The following RAPGEF4 variants were observed in gnomAD, a reference collection of about 807,000 sequenced individuals.
RAPGEF4 encodes the protein Rap guanine nucleotide exchange factor 4.
A neutral mutation model predicts 147.9 loss-of-function variants in RAPGEF4; 66 were observed. The observed-to-expected ratio is 0.45, with a 90% confidence interval of 0.37 to 0.55. The LOEUF (loss-of-function observed/expected upper bound fraction) is 0.55, where lower values mean the gene tolerates loss of function less well. Ranked by LOEUF, RAPGEF4 falls within the 20% of genes least tolerant of loss-of-function variation. The probability of loss-of-function intolerance (pLI) is 0.00; values close to 1 mark genes in which losing one functional copy is unlikely to be tolerated. For synonymous variants in RAPGEF4, 419 were observed against 442.7 expected (o/e 0.95, Z 0.67); for missense variants, 1,071 against 1,257.3 (o/e 0.85, Z 2.24).
intron 10 of RAPGEF4, among the ~76,000 whole-genome samples, chr2:172,974,757 C>T (rs1360688492): frequency 6.6e-6 from 1 of 152,146 alleles, no homozygotes; most frequent in African/African-American, 2.4e-5. Flanking sequence ...ATGGAGTTCA[C>T]CATCTACTGT....
intron 29 of RAPGEF4, among the ~76,000 whole-genome samples, chr2:173,041,953 C>T (rs1423718329): frequency 6.6e-6 from 1 of 152,176 alleles, no homozygotes; most frequent in Non-Finnish European, 1.5e-5. Flanking sequence ...ACACATCTTC[C>T]CTGATCTCCC....
chr2:172,899,161 C>T (rs937478371), intron 4 of RAPGEF4, among the ~76,000 whole-genome samples: 27 of 152,198 alleles, frequency 1.8e-4, no homozygotes, highest in African/African-American at 6.5e-4. Flanking sequence ...AAGCATGGCA[C>T]ACCTGTATCA....
intron 4 of RAPGEF4, among the ~76,000 whole-genome samples, chr2:172,850,762 C>G (rs1333619727): frequency 6.6e-6 from 1 of 152,176 alleles, no homozygotes; most frequent in Non-Finnish European, 1.5e-5. Context: ...TCTATGGACA[C>G]ATCAATGTAA....
At chr2:172,878,754 A>G (rs573370175) in intron 4 of RAPGEF4, among the ~76,000 whole-genome samples, 41 of 152,328 alleles carry the variant, frequency 2.7e-4, no homozygotes, top group African/African-American at 9.9e-4. Context: ...ATGGGCAACA[A>G]TGTGTATAGG....
intron 17 of RAPGEF4, among the ~76,000 whole-genome samples, chr2:173,003,192 C>A (rs1408004074): frequency 6.6e-6 from 1 of 151,956 alleles, no homozygotes; most frequent in East Asian, 1.9e-4. Context: ...CAAGGGTTGA[C>A]TGAGAACATT....
chr2:172,803,811 CT>C, intron 3 of RAPGEF4, among the ~76,000 whole-genome samples: 1 of 152,326 alleles, frequency 6.6e-6, no homozygotes, highest in South Asian at 2.1e-4. Context: ...GAAATTTCTT[CT>C]GCCAGAAACC....
chr2:172,928,718 T>C (rs1429037459), intron 6 of RAPGEF4, among the ~76,000 whole-genome samples: 2 of 152,230 alleles, frequency 1.3e-5, no homozygotes, highest in Non-Finnish European at 2.9e-5. Context: ...AGCTGAGATA[T>C]ACTGCACGGC....
chr2:172,766,688 T>C (rs1353316410), intron 1 of RAPGEF4, among the ~76,000 whole-genome samples: 1 of 152,210 alleles, frequency 6.6e-6, no homozygotes. Flanking sequence ...TCCCGTCGCC[T>C]TTCTTCATCA....
chr2:172,852,669 A>G (rs1692986714), intron 4 of RAPGEF4, among the ~76,000 whole-genome samples: 1 of 152,166 alleles, frequency 6.6e-6, no homozygotes, highest in African/African-American at 2.4e-5. Context: ...CCACCAGCAC[A>G]GGGGTGAATA....
chr2:172,977,359 G>T (rs1328602362), intron 10 of RAPGEF4, among the ~76,000 whole-genome samples: 2 of 152,126 alleles, frequency 1.3e-5, no homozygotes, highest in African/African-American at 2.4e-5. Context: ...AGAGAAACCT[G>T]CTTTTAAAAT....
chr2:172,836,113 G>A (rs930711766), intron 4 of RAPGEF4, among the ~76,000 whole-genome samples: 8 of 152,034 alleles, frequency 5.3e-5, no homozygotes, highest in Admixed American at 5.2e-4. Context: ...GTCACATCTT[G>A]GTATAATCTC....
chr2:172,889,492 G>A (rs1033551276), intron 4 of RAPGEF4, among the ~76,000 whole-genome samples: 3 of 152,076 alleles, frequency 2.0e-5, no homozygotes, highest in African/African-American at 7.2e-5. Flanking sequence ...TTGCATTTAG[G>A]ATGGTGTCCA....
chr2:172,739,375 T>C lies in RAPGEF4; in HGVS notation c.65+3327T>C, dbSNP rs182768719. ...GACCATTGTTTAAGTTTTTTTGTTT[T>C]TGTTTTTGTTTTTTGAGATGGAGTC... On this transcript the variant is annotated intron_variant, in intron 1 of 30. Coordinates refer to ENST00000397081, the MANE Select transcript of RAPGEF4 (RefSeq NM_007023.4). 3.6e-3 allele frequency among the ~76,000 whole-genome samples: 551 copies of C among 152,142 alleles called. 3 individuals carry two copies. Among genetic ancestry groups the C allele is most frequent in the African/African-American group, 0.013 (539 of 41,504 alleles).
At chr2:173,046,827 A>T (rs1030822480) in intron 29 of RAPGEF4, among the ~76,000 whole-genome samples, 5 of 152,198 alleles carry the variant, frequency 3.3e-5, no homozygotes, top group African/African-American at 1.2e-4. Context: ...ATGCAGGTAC[A>T]TGTCACTTCA....
At chr2:172,781,861 G>A (rs965632138) in intron 1 of RAPGEF4, among the ~76,000 whole-genome samples, 3 of 152,060 alleles carry the variant, frequency 2.0e-5, no homozygotes, top group African/African-American at 4.8e-5. Flanking sequence ...TTTAAAATTT[G>A]TACTATTTTG....
At chr2:173,007,178 C>T (rs538935915) in intron 17 of RAPGEF4, among the ~76,000 whole-genome samples, 1 of 149,638 alleles carries the variant, frequency 6.7e-6, no homozygotes, top group African/African-American at 2.6e-5. Flanking sequence ...TGAACCCAAG[C>T]AGTGTATTGC....
intron 4 of RAPGEF4, among the ~76,000 whole-genome samples, chr2:172,822,792 C>G (rs980561557): frequency 3.3e-5 from 5 of 152,228 alleles, no homozygotes; most frequent in Admixed American, 2.6e-4. Flanking sequence ...CACTCTCTCC[C>G]CTGCACTGTT....
intron 16 of RAPGEF4, among the ~76,000 whole-genome samples, chr2:172,998,668 G>A (rs1338482704): frequency 6.6e-6 from 1 of 152,202 alleles, no homozygotes; most frequent in African/African-American, 2.4e-5. Flanking sequence ...TTAGTATAGA[G>A]AAACTGTTGA....
At chr2:172,994,623 T>G (rs554155225) in intron 15 of RAPGEF4, among the ~76,000 whole-genome samples, 1 of 152,368 alleles carries the variant, frequency 6.6e-6, no homozygotes, top group African/African-American at 2.4e-5. Flanking sequence ...GTTTCCTGAT[T>G]AATGTGGCCA....
Sources: gnomAD v4.1 joint callset for allele counts (sites outside exome capture counted in the v4.1 genomes callset) on GRCh38, gnomAD v4.1.1 for gene constraint, MANE v1.5 for transcripts, NCBI Gene and HGNC (gene_info 2026-07-23, HGNC 2026-07-21) for gene names.